Variants in BRAF observed in about 807,000 individuals in gnomAD.
BRAF encodes the protein serine/threonine-protein kinase B-raf.
BRAF carries 16 observed loss-of-function variants against 104.6 expected under a neutral mutation model. That is an observed-to-expected ratio of 0.15 (90% CI 0.10 to 0.23). The LOEUF (loss-of-function observed/expected upper bound fraction) is 0.23. BRAF is among the 10% of genes least tolerant of loss of function. The pLI, the probability that BRAF is intolerant of heterozygous loss-of-function variation, is 1.00. For synonymous variants in BRAF, 310 were observed against 341.6 expected, an observed-to-expected ratio of 0.91 and a Z score of 1.02; for missense variants, 541 against 937.3, an observed-to-expected ratio of 0.58 and a Z score of 5.52.
intron 3 of BRAF, among the ~76,000 whole-genome samples, chr7:140,833,018 C>A (rs1323892514): frequency 6.6e-6 from 1 of 152,064 alleles, no homozygotes; most frequent in East Asian, 1.9e-4. Context: ...GGACTACAGG[C>A]ACCCACCACC....
At chr7:140,903,659 C>G (rs1242520769) in intron 1 of BRAF, among the ~76,000 whole-genome samples, 1 of 152,204 alleles carries the variant, frequency 6.6e-6, no homozygotes, top group Non-Finnish European at 1.5e-5. Context: ...CGTTATTACT[C>G]TGATGGATCT....
chr7:140,856,967 A>C (rs1305934800), intron 1 of BRAF, among the ~76,000 whole-genome samples: 2 of 152,168 alleles, frequency 1.3e-5, no homozygotes, highest in Non-Finnish European at 2.9e-5. Flanking sequence ...ATATCAAAGA[A>C]AGAGTGGCAT....
At chr7:140,813,862 CAT>C (rs1202368103) in intron 3 of BRAF, among the ~76,000 whole-genome samples, 1 of 152,002 alleles carries the variant, frequency 6.6e-6, no homozygotes, top group East Asian at 1.9e-4. Flanking sequence ...CGTGTACACA[CAT>C]GCACATGCAT....
chr7:140,761,085 T>G (rs1467735143), intron 14 of BRAF, among the ~76,000 whole-genome samples: 1 of 151,902 alleles, frequency 6.6e-6, no homozygotes, highest in Admixed American at 6.6e-5. Flanking sequence ...GACACATAAC[T>G]GTCAGATTCA....
rs1006692290 is a variant in BRAF at position 140,734,333 on chromosome 7, C to T, written c.2401+284G>A. On this transcript the variant is annotated intron_variant, in intron 19 of 19. Transcript: ENST00000644969. ...AATAACCAAGTGAATGATACAAACC[C>T]GGAACAGAAAGTAAAGCCTCTAGAA... 60 of 1,301,862 alleles carry T rather than the reference C, an allele frequency of 4.6e-5. No homozygotes were observed. In the African/African-American group the frequency reaches 6.1e-4, roughly 13 times the overall value. 80.6% of individuals were successfully genotyped at this position (1,301,862 alleles called of 1,614,324 possible).
intron 5 of BRAF, 62 bp downstream of exon 5, chr7:140,807,898 A>T (rs1586236899): frequency 7.4e-7 from 1 of 1,357,934 alleles, no homozygotes; most frequent in East Asian, 2.4e-5. Context: ...CCCTAAATAA[A>T]AATTCATTCA....
intron 1 of BRAF, among the ~76,000 whole-genome samples, chr7:140,863,249 G>A (rs533253677): frequency 1.3e-5 from 2 of 151,854 alleles, no homozygotes; most frequent in Admixed American, 6.6e-5. Context: ...CAAAACTGAC[G>A]TAAATAAGTT....
intron 1 of BRAF, among the ~76,000 whole-genome samples, chr7:140,903,972 G>C (rs987827206): frequency 6.6e-6 from 1 of 152,230 alleles, no homozygotes; most frequent in African/African-American, 2.4e-5. Context: ...AGTAAAAAAA[G>C]TGGTTTCTTG....
In BRAF at chr7:140,723,390, G is replaced by T; in HGVS notation, c.*3104C>A. ...AACATAAATATAGCATATATCATTT[G>T]TATGGGATTTTATCTTCTAAAATGC... is the stretch of plus-strand genomic sequence containing the variant. On this transcript the variant is annotated 3_prime_UTR_variant, in exon 20 of 20. Transcript: ENST00000644969. 9.5e-7 allele frequency: 1 copy of T among 1,053,984 alleles called. No individual in the cohort carries two copies. Among genetic ancestry groups the T allele is most frequent in the Non-Finnish European group, 1.1e-6 (1 of 872,576 alleles). 65.3% of individuals were successfully genotyped at this position (1,053,984 alleles called of 1,614,324 possible).
At position 140,808,806 on chromosome 7, in the gene BRAF, G is replaced by C. The variant is rs951228465; in HGVS notation, c.608+86C>G. 8.1e-6 allele frequency: 9 copies of C among 1,106,428 alleles called. No homozygotes were observed. The South Asian group carries it at 1.1e-4, about 14-fold the overall frequency. The allele number at this position is 1,106,428 out of a possible 1,614,324, so 68.5% of individuals were successfully genotyped here. On this transcript the variant is annotated intron_variant, in intron 4 of 19. Transcript: ENST00000644969. ...CTAAAGTACACTTTCAATTCCCTAG[G>C]TTTTGGTAAAGATCCTAAGAAAACT...
intron 3 of BRAF, among the ~76,000 whole-genome samples, chr7:140,826,581 T>A (rs1806075220): frequency 6.6e-6 from 1 of 152,188 alleles, no homozygotes; most frequent in Non-Finnish European, 1.5e-5. Context: ...GAGAACCCTC[T>A]AAAGCATCAG....
chr7:140,735,155 G>C (rs1370288067), intron 18 of BRAF, among the ~76,000 whole-genome samples: 1 of 152,182 alleles, frequency 6.6e-6, no homozygotes, highest in Non-Finnish European at 1.5e-5. Flanking sequence ...AGAAGATGGA[G>C]TATAAATAAG....
chr7:140,846,867 T>C (rs997892441), intron 2 of BRAF, among the ~76,000 whole-genome samples: 1 of 152,104 alleles, frequency 6.6e-6, no homozygotes, highest in Admixed American at 6.6e-5. Context: ...GTATATAAAA[T>C]GGTGATGGCC....
At chr7:140,892,934 A>C (rs925135679) in intron 1 of BRAF, among the ~76,000 whole-genome samples, 5 of 152,224 alleles carry the variant, frequency 3.3e-5, no homozygotes, top group Admixed American at 1.3e-4. Flanking sequence ...ATTGAACATA[A>C]GATATAAAAG....
intron 1 of BRAF, among the ~76,000 whole-genome samples, chr7:140,863,277 A>C (rs1358337562): frequency 6.6e-6 from 1 of 152,200 alleles, no homozygotes; most frequent in African/African-American, 2.4e-5. Context: ...AAACAATAGA[A>C]AGTAAAAGGA....
intron 14 of BRAF, among the ~76,000 whole-genome samples, chr7:140,766,318 T>C (rs2129011059): frequency 6.6e-6 from 1 of 152,104 alleles, no homozygotes; most frequent in Non-Finnish European, 1.5e-5. Context: ...AGGGATAGCA[T>C]TAGAAGATAT....
chr7:140,793,782 T>C (rs1802235331), intron 8 of BRAF, among the ~76,000 whole-genome samples: 1 of 152,084 alleles, frequency 6.6e-6, no homozygotes, highest in Admixed American at 6.6e-5. Context: ...TGCCTCACCA[T>C]GCATGGCTAA....
intron 17 of BRAF, among the ~76,000 whole-genome samples, chr7:140,746,826 T>C (rs890825372): frequency 6.9e-6 from 1 of 144,836 alleles, no homozygotes; most frequent in African/African-American, 2.6e-5. Context: ...CAAGACTCCG[T>C]CTTGGAAAAA....
intron 1 of BRAF, among the ~76,000 whole-genome samples, chr7:140,850,673 C>T (rs1320260316): frequency 2.0e-5 from 3 of 152,128 alleles, no homozygotes; most frequent in Non-Finnish European, 4.4e-5. Flanking sequence ...AGAAGTCTCT[C>T]CACGTCAATA....
Sources: allele counts gnomAD v4.1 joint callset (sites outside exome capture counted in the v4.1 genomes callset), GRCh38; gene constraint gnomAD v4.1.1; transcripts MANE v1.5; gene names NCBI Gene and HGNC (gene_info 2026-07-23, HGNC 2026-07-21).